The following ZNF605 variants were observed in gnomAD, a reference collection of about 807,000 sequenced individuals.
ZNF605 encodes zinc finger protein 605.
Under a neutral mutation model 7.9 loss-of-function variants are expected in ZNF605, and 9 were observed. That is an observed-to-expected ratio of 1.14 (90% CI 0.68 to 1.98). ZNF605 has a LOEUF of 1.98. Among genes scored for constraint, ZNF605 ranks in the 30% most tolerant of loss-of-function variants. The pLI is 0.00. For missense variants in ZNF605, 673 were observed against 762.4 expected (o/e 0.88, Z 1.38); for synonymous variants, 255 against 260.1 (o/e 0.98, Z 0.19).
At chr12:132,943,190 G>A (rs986880696) in intron 3 of ZNF605, among the ~76,000 whole-genome samples, 45 of 151,922 alleles carry the variant, frequency 3.0e-4, no homozygotes, top group Admixed American at 7.9e-4. Context: ...GTGAAACCTC[G>A]TCTCTACTAA....
At position 132,921,318 on chromosome 12, in the gene ZNF605, T is replaced by C. The variant is rs1952203712; in HGVS notation, c.*4055A>G. On this transcript the variant is annotated 3_prime_UTR_variant, in exon 5 of 5. Transcript: ENST00000360187. ...TGATTTGAATTTTATTCTTGTGAAA[T>C]AGTGATGAGATTTTATATTGTCTAC... is the stretch of plus-strand genomic sequence containing the variant. The C allele has an allele frequency of 6.6e-6, 1 of 152,198 alleles. No individual in the cohort carries two copies. Among genetic ancestry groups the C allele is most frequent in the Non-Finnish European group, 1.5e-5 (1 of 68,030 alleles). 9.4% of individuals were successfully genotyped at this position (152,198 alleles called of 1,614,324 possible). A position where few individuals can be genotyped will look rare whatever the true frequency, so the allele number is the denominator to read the frequency against.
chr12:132,944,170 G>C (rs1300581498), intron 3 of ZNF605, among the ~76,000 whole-genome samples: 2 of 151,782 alleles, frequency 1.3e-5, no homozygotes, highest in African/African-American at 4.8e-5. Flanking sequence ...TCCTCCTCCT[G>C]CTTTCCGGAA....
chr12:132,945,861 G>A (rs977198608), intron 2 of ZNF605, 64 bp from the exon 3 acceptor site: 6 of 654,224 alleles, frequency 9.2e-6, no homozygotes, highest in Admixed American at 5.6e-5. Flanking sequence ...AAATCTTGGT[G>A]TTCTCTTGCT....
intron 4 of ZNF605, among the ~76,000 whole-genome samples, chr12:132,931,611 G>A (rs1952309738): frequency 1.3e-5 from 2 of 152,172 alleles, no homozygotes; most frequent in African/African-American, 4.8e-5. Context: ...ATCTAGCTCA[G>A]ATGGAGTTAA....
intron 1 of ZNF605, among the ~76,000 whole-genome samples, chr12:132,953,587 C>T (rs1952597386): frequency 6.6e-6 from 1 of 152,064 alleles, no homozygotes. Flanking sequence ...CCACCATGCC[C>T]AGCTAATTTT....
chr12:132,945,723 T>G lies in ZNF605; in HGVS notation c.-88A>C. The G allele has an allele frequency of 6.3e-7, 1 of 1,577,706 alleles. No individual in the cohort carries two copies. The highest frequency in any genetic ancestry group is 8.7e-7 in the Non-Finnish European group (1 of 1,146,798). ...GGCCTCTGGTCAGTGGTCTGTAAAC[T>G]GAGAATACATCCTTGGTCTTGTGGG... On this transcript the variant is annotated 5_prime_UTR_variant, in exon 3 of 5. Coordinates refer to ENST00000360187, the MANE Select transcript of ZNF605 (RefSeq NM_183238.4).
intron 4 of ZNF605, among the ~76,000 whole-genome samples, chr12:132,929,351 C>T (rs1037155230): frequency 2.6e-5 from 4 of 152,116 alleles, no homozygotes; most frequent in Admixed American, 1.3e-4. Flanking sequence ...GCCCACTACA[C>T]GTCAGCCTGC....
At chr12:132,950,447 GCA>G (rs1952545306) in intron 1 of ZNF605, among the ~76,000 whole-genome samples, 1 of 144,286 alleles carries the variant, frequency 6.9e-6, no homozygotes, top group African/African-American at 2.8e-5. Flanking sequence ...GTGCAGACGT[GCA>G]CAGACGCACA....
intron 4 of ZNF605, among the ~76,000 whole-genome samples, chr12:132,928,010 A>G (rs1369379541): frequency 6.6e-6 from 1 of 152,214 alleles, no homozygotes; most frequent in African/African-American, 2.4e-5. Context: ...AACAGTGATC[A>G]TGAGATGAAA....
At chr12:132,945,233 G>T (rs1357727942) in intron 3 of ZNF605, 4 of 635,416 alleles carry the variant, frequency 6.3e-6, no homozygotes, top group East Asian at 2.7e-5. Context: ...CAAAGGGCTG[G>T]GATTACAGGC....
At chr12:132,932,290 C>T (rs1307587314) in intron 4 of ZNF605, among the ~76,000 whole-genome samples, 1 of 152,054 alleles carries the variant, frequency 6.6e-6, no homozygotes, top group Non-Finnish European at 1.5e-5. Context: ...TCATCTTCTA[C>T]TCTCTGTGGT....
Position 132,925,945 on chromosome 12 carries a change from T to A in ZNF605, c.1354A>T (p.Ser452Cys). ...THTGEKPYEC[S>C]ECGKAFTQKS... is the part of the protein sequence containing the mutation. ...TGGGTGAAGGCCTTCCCACACTCAC[T>A]GCATTCATAAGGCTTCTCCCCAGTG... The change falls in exon 5 of 5, where the codon AGT becomes TGT. Residue 452 changes from serine to cysteine, a missense_variant. By Grantham distance (112) the Ser-to-Cys change is moderately radical. Transcript: ENST00000360187. The A allele has an allele frequency of 1.9e-6, 3 of 1,614,230 alleles. No individual in the cohort carries two copies. In the South Asian group the frequency reaches 3.3e-5, roughly 18 times the overall value.
At chr12:132,951,228 CACAT>C (rs1323326335) in intron 1 of ZNF605, among the ~76,000 whole-genome samples, 6 of 151,716 alleles carry the variant, frequency 4.0e-5, no homozygotes, top group Non-Finnish European at 7.4e-5. Flanking sequence ...ATGTACATCA[CACAT>C]ACACTCAGAC....
chr12:132,946,793 G>A (rs1258836499), intron 2 of ZNF605, among the ~76,000 whole-genome samples: 2 of 152,170 alleles, frequency 1.3e-5, no homozygotes, highest in East Asian at 1.9e-4. Context: ...CTGGGCCCCT[G>A]AGCGCCCCTC....
At position 132,919,720 on chromosome 12, in the gene ZNF605, G is replaced by A. The variant is rs1408769086; in HGVS notation, c.*5653C>T. 1 of 152,048 alleles carries A rather than the reference G, an allele frequency of 6.6e-6. No individual in the cohort carries two copies. 9.4% of individuals were successfully genotyped at this position (152,048 alleles called of 1,614,324 possible). On this transcript the variant is annotated 3_prime_UTR_variant, in exon 5 of 5. Transcript: ENST00000360187. ...AGTAATTCTTAAATGAGAACTTCAA[G>A]TTATAAATGTCCCTTCACTTACATT...
At chr12:132,951,438 C>T (rs1326704560) in intron 1 of ZNF605, among the ~76,000 whole-genome samples, 4 of 151,180 alleles carry the variant, frequency 2.6e-5, no homozygotes, top group African/African-American at 7.3e-5. Flanking sequence ...CCCACAGATA[C>T]GTATCTCATA....
At position 132,924,998 on chromosome 12, in the gene ZNF605, G is replaced by A. The variant is rs1952232776; in HGVS notation, c.*375C>T. 5.7e-6 allele frequency: 1 copy of A among 176,214 alleles called. No individual in the cohort carries two copies. The highest frequency in any genetic ancestry group is 5.7e-5 in the Admixed American group (1 of 17,424). The allele number at this position is 176,214 out of a possible 1,614,324, so 10.9% of individuals were successfully genotyped here. ...GGTATTATTCTCAAGTGTACAGTGA[G>A]TTGTCCTTTCTTGAAATCTTCCACT... On this transcript the variant is annotated 3_prime_UTR_variant, in exon 5 of 5. Transcript: ENST00000360187.
intron 4 of ZNF605, chr12:132,932,562 A>G (rs1031868928): frequency 2.3e-4 from 132 of 574,586 alleles, no homozygotes; most frequent in Non-Finnish European, 3.4e-4. Context: ...GAGCACATCC[A>G]TTAAAACTCA....
In ZNF605 at chr12:132,926,445, T is replaced by C; in HGVS notation, c.854A>G (p.Glu285Gly). Residue 285 changes from glutamate to glycine, a missense_variant, in exon 5 of 5, where the codon GAG becomes GGG. Transcript: ENST00000360187. The part of the protein sequence containing the change: ...HTIEKPYSCS[E>G]CGKAFSQKLK... ...TTTCTGGGAGAATGCTTTCCCACAC[T>C]CACTGCAACTGTAGGGTTTCTCTAT... The C allele has an allele frequency of 6.2e-7, 1 of 1,614,208 alleles. No homozygotes were observed. Among genetic ancestry groups the C allele is most frequent in the Non-Finnish European group, 8.5e-7 (1 of 1,180,012 alleles).
Sources: allele counts gnomAD v4.1 joint callset (sites outside exome capture counted in the v4.1 genomes callset), GRCh38; gene constraint gnomAD v4.1.1; transcripts MANE v1.5; gene names NCBI Gene and HGNC (gene_info 2026-07-23, HGNC 2026-07-21).